The following SHROOM3 variants were observed in gnomAD, a reference collection of about 807,000 sequenced individuals.
The protein encoded by SHROOM3 is shroom family member 3, also known as protein Shroom3.
Under a neutral mutation model 138.6 loss-of-function variants are expected in SHROOM3, and 47 were observed. That is an observed-to-expected ratio of 0.34 (90% CI 0.27 to 0.43). The LOEUF is 0.43. Ranked by LOEUF, SHROOM3 falls within the 20% of genes least tolerant of loss-of-function variation. The pLI, the probability that SHROOM3 is intolerant of heterozygous loss-of-function variation, is 1.00. For missense variants in SHROOM3, 2,491 were observed against 2,596.5 expected (o/e 0.96, Z 0.88); for synonymous variants, 1,062 against 1,063.3 (o/e 1.00, Z 0.02).
At position 76,741,819 on chromosome 4, in the gene SHROOM3, G is replaced by A. The variant is rs1414730478; in HGVS notation, c.3646G>A (p.Ala1216Thr). ...GGAGCCATCCTCCTGGGGGGCCAGGGCCGGGAAGTCCATGTCGGCCGAGGA... is the reference window on the plus strand; with the variant it reads ...GGAGCCATCCTCCTGGGGGGCCAGGACCGGGAAGTCCATGTCGGCCGAGGA... ...PREPSSWGAR[A>T]GKSMSAEDLL... The change falls in exon 5 of 11, where the codon GCC becomes ACC. Residue 1216 changes from alanine (A) to threonine (T), a missense_variant. Physicochemically the swap from Ala to Thr is moderately conservative, Grantham distance 58. Coordinates refer to ENST00000296043, the MANE Select transcript of SHROOM3 (RefSeq NM_020859.4). The surrounding 1 kb of genome is among the most constrained non-coding windows in gnomAD (Gnocchi z 6.2). The A allele has an allele frequency of 2.5e-6, 4 of 1,591,504 alleles. No homozygotes were observed.
chr4:76,749,342 C>A (rs543261694), intron 6 of SHROOM3, among the ~76,000 whole-genome samples: 1 of 152,138 alleles, frequency 6.6e-6, no homozygotes, highest in African/African-American at 2.4e-5. Flanking sequence ...CCCATTAACT[C>A]GTCATTTAGC....
intron 1 of SHROOM3, among the ~76,000 whole-genome samples, chr4:76,486,216 CA>C (rs1484126885): frequency 6.6e-6 from 1 of 152,094 alleles, no homozygotes; most frequent in Non-Finnish European, 1.5e-5. Flanking sequence ...TTCAAAAACA[CA>C]GTAAGTTGTA....
intron 9 of SHROOM3, among the ~76,000 whole-genome samples, chr4:76,765,289 C>T (rs1160129207): frequency 2.7e-5 from 4 of 149,490 alleles, no homozygotes; most frequent in South Asian, 2.1e-4. Context: ...CCAAGGCAGG[C>T]GGATCTCTTG....
At chr4:76,636,421 C>T (rs1735496065) in intron 2 of SHROOM3, among the ~76,000 whole-genome samples, 1 of 152,152 alleles carries the variant, frequency 6.6e-6, no homozygotes, top group African/African-American at 2.4e-5. Context: ...TAGCTAAGGA[C>T]TCAGAAGCAG....
At chr4:76,735,858 A>T (rs1721035888) in intron 4 of SHROOM3, among the ~76,000 whole-genome samples, 15 of 52,880 alleles carry the variant, frequency 2.8e-4, no homozygotes, top group African/African-American at 1.2e-3. Context: ...AAAAAAAAAA[A>T]AAAAAAAAAA....
Position 76,782,167 on chromosome 4 carries a change from A to G in SHROOM3, c.*2990A>G, listed in dbSNP as rs1233456728. On this transcript the variant is annotated 3_prime_UTR_variant, in exon 11 of 11. Transcript: ENST00000296043. ...TTCTTGCGGTGGCCACTTAACCCCA[A>G]AGAATGAAGGGAGGATCCACAGTGA... 1 of 152,150 alleles carries G rather than the reference A, an allele frequency of 6.6e-6. No homozygotes were observed. Among genetic ancestry groups the G allele is most frequent in the African/African-American group, 2.4e-5 (1 of 41,422 alleles). The allele number at this position is 152,150 out of a possible 1,614,324, so 9.4% of individuals were successfully genotyped here.
intron 2 of SHROOM3, among the ~76,000 whole-genome samples, chr4:76,672,985 C>T (rs886772718): frequency 1.3e-5 from 2 of 152,192 alleles, no homozygotes; most frequent in Non-Finnish European, 2.9e-5. Context: ...AGGGAGCATA[C>T]ATCAAAACAA....
intron 2 of SHROOM3, among the ~76,000 whole-genome samples, chr4:76,584,453 G>A (rs1734111229): frequency 6.6e-6 from 1 of 152,228 alleles, no homozygotes; most frequent in Non-Finnish European, 1.5e-5. Context: ...AGAATCTGGA[G>A]CAGAGTGGAT....
chr4:76,613,068 A>AAAAAC (rs1452696940), intron 2 of SHROOM3, among the ~76,000 whole-genome samples: 6 of 152,214 alleles, frequency 3.9e-5, no homozygotes, highest in South Asian at 2.1e-4. Flanking sequence ...TCTATGTTAT[A>AAAAAC]AAAACAAAAC....
At chr4:76,648,638 C>A (rs189534366) in intron 2 of SHROOM3, among the ~76,000 whole-genome samples, 77 of 152,142 alleles carry the variant, frequency 5.1e-4, no homozygotes, top group African/African-American at 1.8e-3. Context: ...ATTTAGGTAC[C>A]CACTCCAGAT....
intron 1 of SHROOM3, among the ~76,000 whole-genome samples, chr4:76,452,426 C>T (rs1182852936): frequency 6.6e-6 from 1 of 152,212 alleles, no homozygotes; most frequent in African/African-American, 2.4e-5. Context: ...AACCGCCATT[C>T]TACTTTCTGT....
chr4:76,776,327 T>C (rs1328569796), intron 10 of SHROOM3, among the ~76,000 whole-genome samples: 1 of 152,202 alleles, frequency 6.6e-6, no homozygotes, highest in East Asian at 1.9e-4. Context: ...GCTGATTTAT[T>C]TGTAGATTCT....
At chr4:76,612,641 A>C (rs1241970520) in intron 2 of SHROOM3, among the ~76,000 whole-genome samples, 1 of 152,212 alleles carries the variant, frequency 6.6e-6, no homozygotes, top group African/African-American at 2.4e-5. Context: ...ACATGTTACA[A>C]ATACTTTAAA....
At chr4:76,762,779 G>T (rs1039715875) in intron 9 of SHROOM3, among the ~76,000 whole-genome samples, 2 of 152,158 alleles carry the variant, frequency 1.3e-5, no homozygotes, top group African/African-American at 4.8e-5. Flanking sequence ...ACTTTAGACT[G>T]GCAAGAGAGG....
At chr4:76,732,242 G>A (rs1237602230) in intron 4 of SHROOM3, among the ~76,000 whole-genome samples, 1 of 152,234 alleles carries the variant, frequency 6.6e-6, no homozygotes, top group Non-Finnish European at 1.5e-5. Context: ...GGAGACGCAA[G>A]TGTTGGTATG....
At position 76,779,246 on chromosome 4, in the gene SHROOM3, A is replaced by G. The variant is rs574052227; in HGVS notation, c.*69A>G. On this transcript the variant is annotated 3_prime_UTR_variant, in exon 11 of 11. Transcript: ENST00000296043. ...CACTATTTAATCTGAAAAATGTTTC[A>G]GTACAAACCACTGTTTGAACTATCT... The G allele has an allele frequency of 5.2e-5, 79 of 1,519,078 alleles. No individual in the cohort carries two copies. Among genetic ancestry groups the G allele is most frequent in the Non-Finnish European group, 6.4e-5 (73 of 1,136,058 alleles). The allele number at this position is 1,519,078 out of a possible 1,614,324, so 94.1% of individuals were successfully genotyped here. A position where few individuals can be genotyped will look rare whatever the true frequency, so the allele number is the denominator to read the frequency against.
intron 2 of SHROOM3, among the ~76,000 whole-genome samples, chr4:76,647,152 C>T (rs1217256879): frequency 2.6e-5 from 4 of 152,040 alleles, no homozygotes; most frequent in Non-Finnish European, 4.4e-5. Flanking sequence ...GTGAAATAAG[C>T]CAGGTAGAGA....
Position 76,741,931 on chromosome 4 carries a change from G to T in SHROOM3, c.3753+5G>T. 1.2e-6 allele frequency: 2 copies of T among 1,611,864 alleles called. No individual in the cohort carries two copies. Among genetic ancestry groups the T allele is most frequent in the Non-Finnish European group, 8.5e-7 (1 of 1,179,790 alleles). ...GCCACCGCAGACAAGCGCCAGGTAC[G>T]TGCAACCAGCAAGTCCTGGCCTCGA... On this transcript the variant is annotated splice_donor_5th_base_variant and intron_variant, in intron 5 of 10. Coordinates refer to ENST00000296043, the MANE Select transcript of SHROOM3 (RefSeq NM_020859.4). This position sits in a 1 kb window ranked among gnomAD's most constrained non-coding sequence, Gnocchi z 6.2.
rs185414016 is a variant in SHROOM3, at chr4:76,740,397, C to T, written c.2224C>T (p.Pro742Ser). 8.8e-5 allele frequency: 142 copies of T among 1,613,086 alleles called. No homozygotes were observed. The highest frequency in any genetic ancestry group is 6.6e-4 in the Middle Eastern group (4 of 6,062). Residue 742 changes from proline to serine, a missense_variant, in exon 5 of 11, where the codon CCC (proline) becomes TCC (serine). Pro to Ser is a moderately conservative substitution (Grantham distance 74, BLOSUM62 -1). Around this residue, in one of 4 missense-constraint regions of SHROOM3, gnomAD observed 1,733 missense variants for 1,661.6 expected, o/e 1.04. Coordinates refer to ENST00000296043, the MANE Select transcript of SHROOM3 (RefSeq NM_020859.4). The surrounding 1 kb of genome is among the most constrained non-coding windows in gnomAD (Gnocchi z 4.0). ...SASFNSTDPS[P>S]EEPPAPSHPH... The stretch of plus-strand genomic sequence containing the variant: ...TTCTTTCAACAGCACAGACCCAAGT[C>T]CCGAAGAGCCGCCTGCCCCCTCGCA...
Sources: gnomAD v4.1 joint callset for allele counts (sites outside exome capture counted in the v4.1 genomes callset) on GRCh38, gnomAD v4.1.1 for gene constraint, gnomAD v4.1.1 regional missense constraint, Gnocchi (gnomAD v3.1) non-coding constraint, MANE v1.5 for transcripts, NCBI Gene and HGNC (gene_info 2026-07-23, HGNC 2026-07-21) for gene names.